The following PCDHA3 variants were observed in gnomAD, a reference collection of about 807,000 sequenced individuals.
PCDHA3 encodes protocadherin alpha 3.
In PCDHA3, 41 loss-of-function variants were observed where a neutral mutation model predicts 62.2. That is an observed-to-expected ratio of 0.66 (90% CI 0.51 to 0.86). The LOEUF is 0.86. Ranked by LOEUF, PCDHA3 falls within the 40% of genes least tolerant of loss-of-function variation. PCDHA3 has a pLI of 0.00. For synonymous variants in PCDHA3, 640 were observed against 555.4 expected, an observed-to-expected ratio of 1.15 and a Z score of -2.14; for missense variants, 1,304 against 1,241.2, an observed-to-expected ratio of 1.05 and a Z score of -0.76.
chr5:140,954,487 A>T (rs1585567544), intron 1 of PCDHA3, among the ~76,000 whole-genome samples: 1 of 152,120 alleles, frequency 6.6e-6, no homozygotes, highest in African/African-American at 2.4e-5. Flanking sequence ...AAGATATTTC[A>T]TTGTGGTTTT....
At chr5:140,841,779 C>T in intron 1 of PCDHA3, 1 of 1,613,838 alleles carries the variant, frequency 6.2e-7, no homozygotes, top group Non-Finnish European at 8.5e-7. Flanking sequence ...TCTCGGTTTC[C>T]GCTAGAGGGC....
chr5:140,868,172 ATC>A (rs1554161787), intron 1 of PCDHA3: 1 of 152,152 alleles, frequency 6.6e-6, no homozygotes. Context: ...AAATTTTGAT[ATC>A]TCATATTATG....
chr5:140,806,748 T>C (rs1763777641), intron 1 of PCDHA3, among the ~76,000 whole-genome samples: 1 of 152,218 alleles, frequency 6.6e-6, no homozygotes, highest in Admixed American at 6.5e-5. Flanking sequence ...TTACAAAGTG[T>C]ATAGTTAGGT....
chr5:140,869,271 G>C (rs2050992128), intron 1 of PCDHA3: 1 of 1,613,468 alleles, frequency 6.2e-7, no homozygotes, highest in Admixed American at 1.7e-5. Flanking sequence ...GGCTGGAGCT[G>C]GCGGAGCTGG....
At chr5:140,815,346 G>A (rs2126663350) in intron 1 of PCDHA3, 1 of 151,614 alleles carries the variant, frequency 6.6e-6, no homozygotes, top group Non-Finnish European at 1.5e-5. Flanking sequence ...GTTTTCTTTT[G>A]TATATCTTCC....
Position 140,801,272 on chromosome 5 carries a change from G to T in PCDHA3, c.75G>T (p.Glu25Asp). ...CTCTTCTGCTCCTCGCAGCCTCGGA[G>T]GTGGGGAGCGGCCAGCTCCACTACT... is the stretch of plus-strand genomic sequence containing the variant. ...LLSLLLLAAS[E>D]VGSGQLHYSV... Residue 25 changes from glutamate (E) to aspartate (D), a missense_variant, in exon 1 of 4, where the codon GAG becomes GAT. By Grantham distance (45) the Glu-to-Asp change is conservative (BLOSUM62 2). Coordinates refer to ENST00000522353, the MANE Select transcript of PCDHA3 (RefSeq NM_018906.3). 8 of 1,613,682 alleles carry T rather than the reference G, an allele frequency of 5.0e-6. No individual in the cohort carries two copies. Among genetic ancestry groups the T allele is most frequent in the Non-Finnish European group, 6.8e-6 (8 of 1,179,902 alleles).
rs782133089 is a variant in PCDHA3, at chr5:140,924,894, CAAA to C, written c.2395-54046_2395-54044del. Reference sequence around the variant, plus strand: ...TGGGTGACAGAGCAAGAACCTGTCTCAAAAAAAAAAATAAAATAAAATAAAATA... The same window carrying C: ...TGGGTGACAGAGCAAGAACCTGTCTCAAAAAAAATAAAATAAAATAAAATA... On this transcript the variant is annotated intron_variant, in intron 1 of 3. Transcript: ENST00000522353. Among the ~76,000 whole-genome samples the C allele has an allele frequency of 6.8e-3, 488 of 71,480 alleles. 13 individuals carry two copies. Among genetic ancestry groups the C allele is most frequent in the East Asian group, 0.051 (79 of 1,534 alleles). The allele number at this position is 71,480 out of a possible 152,430, so 46.9% of individuals were successfully genotyped here. A position where few individuals can be genotyped will look rare whatever the true frequency, so the allele number is the denominator to read the frequency against.
rs782166134 is a variant in PCDHA3 at position 140,929,299 on chromosome 5, G to C, written c.2395-49650G>C. Reference sequence around the variant, plus strand: ...CTGTATTCAGATTCGGAATAGGAAAGGGGATCACGCTAATGTCAATGCCAT... The same window carrying C: ...CTGTATTCAGATTCGGAATAGGAAACGGGATCACGCTAATGTCAATGCCAT... On this transcript the variant is annotated intron_variant, in intron 1 of 3. Coordinates refer to ENST00000522353, the MANE Select transcript of PCDHA3 (RefSeq NM_018906.3). 1.2e-5 allele frequency: 19 copies of C among 1,590,714 alleles called. No individual in the cohort carries two copies. The highest frequency in any genetic ancestry group is 1.6e-5 in the Non-Finnish European group (19 of 1,164,870).
rs782568790 is a variant in PCDHA3 at position 140,856,315 on chromosome 5, T to C, written c.2394+52724T>C. On this transcript the variant is annotated intron_variant, in intron 1 of 3. Transcript: ENST00000522353. ...GCATTTTGTTTGTGAATTCTCGGAT[T>C]GACCGCGAGGAGCTGTGCGGGCGGA... 131 of 1,598,516 alleles carry C rather than the reference T, an allele frequency of 8.2e-5. 15 individuals are homozygous for C. The highest frequency in any genetic ancestry group is 1.9e-4 in the Admixed American group (11 of 59,298).
At chr5:140,952,750 A>T (rs1240610789) in intron 1 of PCDHA3, among the ~76,000 whole-genome samples, 2 of 152,326 alleles carry the variant, frequency 1.3e-5, no homozygotes, top group Non-Finnish European at 2.9e-5. Context: ...CTGCTATAAA[A>T]ACACCTGAGA....
At chr5:140,843,023 C>A (rs2150350362) in intron 1 of PCDHA3, 2 of 1,595,030 alleles carry the variant, frequency 1.3e-6, no homozygotes. Context: ...ACTGCTGGAG[C>A]CTCGGGTGGG....
At chr5:140,900,049 A>T (rs2067710838) in intron 1 of PCDHA3, among the ~76,000 whole-genome samples, 1 of 152,044 alleles carries the variant, frequency 6.6e-6, no homozygotes, top group Non-Finnish European at 1.5e-5. Flanking sequence ...GGCTCAAGTG[A>T]TCCTTTAACC....
intron 1 of PCDHA3, among the ~76,000 whole-genome samples, chr5:140,886,071 A>G (rs985861864): frequency 3.9e-5 from 6 of 152,338 alleles, no homozygotes; most frequent in South Asian, 2.1e-4. Context: ...GCGTAGGGCC[A>G]TACCACAACC....
chr5:140,875,685 C>A (rs563250653), intron 1 of PCDHA3: 1 of 1,613,934 alleles, frequency 6.2e-7, no homozygotes, highest in East Asian at 2.2e-5. Context: ...CCAAAAGACA[C>A]GGGGACCTTC....
chr5:140,932,493 T>C (rs148938081), intron 1 of PCDHA3, among the ~76,000 whole-genome samples: 1 of 151,888 alleles, frequency 6.6e-6, no homozygotes, highest in Non-Finnish European at 1.5e-5. Flanking sequence ...CTTTGCAATG[T>C]CATTTGTTAA....
intron 1 of PCDHA3, among the ~76,000 whole-genome samples, chr5:140,961,780 C>T (rs1192795559): frequency 6.6e-6 from 1 of 152,052 alleles, no homozygotes; most frequent in African/African-American, 2.4e-5. Flanking sequence ...AGCTTAATGG[C>T]ACTTTTTAAA....
In PCDHA3 at chr5:140,826,188, T is replaced by C. The variant is rs2150142872; in HGVS notation, c.2394+22597T>C. ...TTTTTGTCATTCTATAAATCTAAAG[T>C]TAACAATGGTCACATTTTAAAAAAT... On this transcript the variant is annotated intron_variant, in intron 1 of 3. Coordinates refer to ENST00000522353, the MANE Select transcript of PCDHA3 (RefSeq NM_018906.3). Among the ~76,000 whole-genome samples, 10 of 152,348 alleles carry C rather than the reference T, an allele frequency of 6.6e-5. No homozygotes were observed. The East Asian group carries it at 1.9e-3, about 29-fold the overall frequency.
intron 1 of PCDHA3, among the ~76,000 whole-genome samples, chr5:140,893,642 T>C (rs1479834135): frequency 1.3e-5 from 2 of 152,230 alleles, no homozygotes; most frequent in African/African-American, 2.4e-5. Context: ...TATAGTATTT[T>C]TGGCTGATAG....
At chr5:140,823,487 G>T in intron 1 of PCDHA3, 3 of 1,613,262 alleles carry the variant, frequency 1.9e-6, no homozygotes, top group Non-Finnish European at 2.5e-6. Context: ...CGAGTGGGTG[G>T]CACCGGCGGC....
Sources: gnomAD v4.1 joint callset for allele counts (sites outside exome capture counted in the v4.1 genomes callset) on GRCh38, gnomAD v4.1.1 for gene constraint, MANE v1.5 for transcripts, NCBI Gene and HGNC (gene_info 2026-07-23, HGNC 2026-07-21) for gene names.